The following NUDCD3 variants were observed in gnomAD, a reference collection of about 807,000 sequenced individuals.
The protein encoded by NUDCD3 is nudC domain-containing protein 3.
In NUDCD3, 13 loss-of-function variants were observed where a neutral mutation model predicts 39.7. The ratio of observed to expected loss-of-function variants is 0.33; its 90% CI spans 0.21 to 0.52. The LOEUF (loss-of-function observed/expected upper bound fraction) is 0.52. Among genes scored for constraint, NUDCD3 ranks in the 20% least tolerant of loss-of-function variants. The pLI, the probability that NUDCD3 is intolerant of heterozygous loss-of-function variation, is 0.96. For synonymous variants in NUDCD3, 175 were observed against 172.4 expected, an observed-to-expected ratio of 1.02 and a Z score of -0.12; for missense variants, 453 against 458.1, an observed-to-expected ratio of 0.99 and a Z score of 0.10.
At chr7:44,403,446 AGAGT>A (rs1403984583) in intron 4 of NUDCD3, among the ~76,000 whole-genome samples, 2 of 152,256 alleles carry the variant, frequency 1.3e-5, no homozygotes, top group African/African-American at 4.8e-5. Flanking sequence ...CTGTGTAGCC[AGAGT>A]GAGCTCCATT....
At chr7:44,396,087 T>TTGTGTG (rs10585173) in intron 4 of NUDCD3, among the ~76,000 whole-genome samples, 2,406 of 144,992 alleles carry the variant, frequency 0.017, 54 homozygotes, top group African/African-American at 0.048. Context: ...TTATCTTCTG[T>TTGTGTG]TGTGTGTGTG....
At chr7:44,461,631 AGCAC>A (rs1800018091) in intron 2 of NUDCD3, among the ~76,000 whole-genome samples, 1 of 152,160 alleles carries the variant, frequency 6.6e-6, no homozygotes, top group African/African-American at 2.4e-5. Context: ...CCTTTGAAGA[AGCAC>A]CAAAGAGAGA....
chr7:44,394,361 T>G (rs1471532752), intron 4 of NUDCD3, among the ~76,000 whole-genome samples: 1 of 152,222 alleles, frequency 6.6e-6, no homozygotes. Flanking sequence ...TGTCGTTGAC[T>G]TTACAGTTTG....
rs1282495331 is a variant in NUDCD3, at chr7:44,386,039, T to C, written c.1058A>G (p.Asn353Ser). The change falls in exon 6 of 6, where the codon AAC (asparagine) becomes AGC (serine). Residue 353 changes from asparagine (N) to serine (S), a missense_variant. By Grantham distance (46) the Asn-to-Ser change is conservative (BLOSUM62 1). Transcript: ENST00000355451. ...RGQRFDPAMF[N>S]ISPGAVQF ...AAACTGCACAGCCCCCGGGGAGATGTTGAACATGGCAGGGTCGAATCGCTG... is the reference window on the plus strand; with the variant it reads ...AAACTGCACAGCCCCCGGGGAGATGCTGAACATGGCAGGGTCGAATCGCTG... 3.8e-6 allele frequency: 6 copies of C among 1,594,274 alleles called. No homozygotes were observed. The highest frequency in any genetic ancestry group is 2.2e-5 in the South Asian group (2 of 90,748).
chr7:44,409,995 A>T (rs1484739135), intron 3 of NUDCD3, among the ~76,000 whole-genome samples: 2 of 152,214 alleles, frequency 1.3e-5, no homozygotes, highest in Non-Finnish European at 2.9e-5. Flanking sequence ...CCAAACTGCG[A>T]AACAGGAGGA....
chr7:44,424,549 T>A (rs6944499), intron 3 of NUDCD3, among the ~76,000 whole-genome samples: 24,087 of 152,070 alleles, frequency 0.16, 2,052 homozygotes, highest in Non-Finnish European at 0.19. Context: ...GCTCATCATC[T>A]CTGTTCATTA....
intron 3 of NUDCD3, chr7:44,413,083 C>A (rs898088067): frequency 2.6e-5 from 4 of 152,126 alleles, no homozygotes; most frequent in African/African-American, 9.7e-5. Flanking sequence ...ACGCAATCTG[C>A]TCCTATCTAA....
At chr7:44,397,007 A>G (rs975482936) in intron 4 of NUDCD3, among the ~76,000 whole-genome samples, 1 of 152,212 alleles carries the variant, frequency 6.6e-6, no homozygotes, top group African/African-American at 2.4e-5. Context: ...GAGGTATAGT[A>G]TGCACATAGT....
chr7:44,446,550 C>T (rs371059606), intron 2 of NUDCD3, among the ~76,000 whole-genome samples: 3 of 152,242 alleles, frequency 2.0e-5, no homozygotes, highest in Admixed American at 6.5e-5. Context: ...CCTCCAGGCA[C>T]GCCTGCTCTG....
chr7:44,404,100 T>C (rs1798773150), intron 4 of NUDCD3, among the ~76,000 whole-genome samples: 1 of 152,214 alleles, frequency 6.6e-6, no homozygotes. Flanking sequence ...AGCCAGTTGG[T>C]CAATGAGCCT....
At position 44,437,171 on chromosome 7, in the gene NUDCD3, G is replaced by A. The variant is rs188116371; in HGVS notation, c.510-9468C>T. 2.9e-3 allele frequency among the ~76,000 whole-genome samples: 431 copies of A among 149,772 alleles called. 1 individual carries two copies. The highest frequency in any genetic ancestry group is 0.01 in the African/African-American group (414 of 40,794). On this transcript the variant is annotated intron_variant, in intron 2 of 5. Transcript: ENST00000355451. The stretch of plus-strand genomic sequence containing the variant: ...TGCAACCTCTGACTCCTGGGTTCAA[G>A]CAATTCTCCTGCCTCAGCCTCCCAA...
At chr7:44,393,298 A>T (rs1240932964) in intron 4 of NUDCD3, among the ~76,000 whole-genome samples, 1 of 152,332 alleles carries the variant, frequency 6.6e-6, no homozygotes, top group Non-Finnish European at 1.5e-5. Context: ...TCCAGCCCTC[A>T]GTGTTGGGGT....
chr7:44,397,836 TATG>T (rs1188996328), intron 4 of NUDCD3, among the ~76,000 whole-genome samples: 1 of 152,128 alleles, frequency 6.6e-6, no homozygotes, highest in East Asian at 1.9e-4. Flanking sequence ...GGAAATAACT[TATG>T]ATGATTTACG....
chr7:44,390,820 A>G (rs943606016), intron 5 of NUDCD3, among the ~76,000 whole-genome samples: 5 of 152,210 alleles, frequency 3.3e-5, no homozygotes, highest in African/African-American at 1.2e-4. Context: ...AGGCAAATGC[A>G]GCATAACTGG....
At chr7:44,402,246 G>C (rs1039113753) in intron 4 of NUDCD3, among the ~76,000 whole-genome samples, 1 of 152,160 alleles carries the variant, frequency 6.6e-6, no homozygotes, top group Non-Finnish European at 1.5e-5. Flanking sequence ...CAGATTGTAA[G>C]GCACCTCACA....
intron 3 of NUDCD3, among the ~76,000 whole-genome samples, chr7:44,423,376 C>T (rs956792249): frequency 3.3e-5 from 5 of 151,992 alleles, no homozygotes; most frequent in Non-Finnish European, 5.9e-5. Flanking sequence ...ATGACATGAT[C>T]GTACATTTAG....
rs756504391 is a variant in NUDCD3 at position 44,427,647 on chromosome 7, T to C, written c.566A>G (p.Asn189Ser). 6.2e-7 allele frequency: 1 copy of C among 1,613,134 alleles called. No individual in the cohort carries two copies. The highest frequency in any genetic ancestry group is 1.1e-5 in the South Asian group (1 of 90,988). Residue 189 changes from asparagine (N) to serine (S), a missense_variant, in exon 3 of 6, where the codon AAC becomes AGC. By Grantham distance (46) the Asn-to-Ser change is conservative (BLOSUM62 1). Transcript: ENST00000355451. ...AGTATAGTCCTGTGACCAGGTGTAG[T>C]TCTCTCGGACAGCACCATTGTAACT... is the stretch of plus-strand genomic sequence containing the variant. ...PDSYNGAVRENYTWSQDYTDL... is the reference protein window; with the variant it reads ...PDSYNGAVRESYTWSQDYTDL...
chr7:44,421,507 A>C (rs1449277008), intron 3 of NUDCD3, among the ~76,000 whole-genome samples: 4 of 142,950 alleles, frequency 2.8e-5, no homozygotes, highest in African/African-American at 5.2e-5. Context: ...AAAAAAAAGC[A>C]GGGGTTGCAA....
At chr7:44,444,280 G>T (rs1352407179) in intron 2 of NUDCD3, among the ~76,000 whole-genome samples, 1 of 152,124 alleles carries the variant, frequency 6.6e-6, no homozygotes, top group Non-Finnish European at 1.5e-5. Context: ...AAAAGAGAAA[G>T]CCAGAAAAAG....
Sources: gnomAD v4.1 joint callset for allele counts (sites outside exome capture counted in the v4.1 genomes callset) on GRCh38, gnomAD v4.1.1 for gene constraint, MANE v1.5 for transcripts, NCBI Gene and HGNC (gene_info 2026-07-23, HGNC 2026-07-21) for gene names.